ADAMTS6: variants seen among roughly 807,000 people sequenced by gnomAD.
ADAMTS6 encodes the protein ADAM metallopeptidase with thrombospondin type 1 motif 6.
Under a neutral mutation model 144.3 loss-of-function variants are expected in ADAMTS6, and 23 were observed. That is an observed-to-expected ratio of 0.16 (90% CI 0.11 to 0.23). ADAMTS6 has a LOEUF of 0.23. ADAMTS6 is among the 10% of genes least tolerant of loss of function. ADAMTS6 has a pLI of 1.00. For synonymous variants in ADAMTS6, 444 were observed against 457.5 expected (o/e 0.97, Z 0.38); for missense variants, 999 against 1,379.6 (o/e 0.72, Z 4.37).
intron 18 of ADAMTS6, among the ~76,000 whole-genome samples, chr5:65,219,058 A>G (rs1028504431): frequency 1.6e-4 from 24 of 152,208 alleles, no homozygotes; most frequent in African/African-American, 5.5e-4. Flanking sequence ...AAAAGAAGGC[A>G]TGAAAGGAGG....
At chr5:65,352,356 G>T (rs1748933162) in intron 7 of ADAMTS6, among the ~76,000 whole-genome samples, 1 of 152,078 alleles carries the variant, frequency 6.6e-6, no homozygotes, top group Admixed American at 6.5e-5. Context: ...TCAAAAACTA[G>T]TGGTAAAAAT....
At chr5:65,418,791 G>GA (rs1418470003) in intron 7 of ADAMTS6, among the ~76,000 whole-genome samples, 5 of 151,974 alleles carry the variant, frequency 3.3e-5, no homozygotes, top group Non-Finnish European at 7.4e-5. Flanking sequence ...ACAAACATAT[G>GA]AAAAAATGCT....
At chr5:65,368,457 T>C (rs1284906214) in intron 7 of ADAMTS6, among the ~76,000 whole-genome samples, 1 of 152,182 alleles carries the variant, frequency 6.6e-6, no homozygotes, top group Non-Finnish European at 1.5e-5. Context: ...GAAGCTAAAA[T>C]AGTTAACTGA....
intron 3 of ADAMTS6, among the ~76,000 whole-genome samples, chr5:65,465,418 A>G (rs1028054076): frequency 1.3e-5 from 2 of 151,754 alleles, no homozygotes; most frequent in African/African-American, 4.8e-5. Context: ...TTTCTCACCT[A>G]TCAAGAACTT....
At chr5:65,223,289 A>G (rs1277708961) in intron 18 of ADAMTS6, among the ~76,000 whole-genome samples, 1 of 152,218 alleles carries the variant, frequency 6.6e-6, no homozygotes, top group African/African-American at 2.4e-5. Flanking sequence ...GAATACCACA[A>G]TCAAGCTAAT....
At chr5:65,171,727 A>T (rs11749829) in intron 23 of ADAMTS6, among the ~76,000 whole-genome samples, 26,387 of 152,002 alleles carry the variant, frequency 0.17, 2,473 homozygotes, top group African/African-American at 0.24. Context: ...AAGAGCTTAA[A>T]TAAGTCCCTC....
rs549234965 is a variant in ADAMTS6 at position 65,460,531 on chromosome 5, T to A, written c.463-193A>T. 1.6e-4 allele frequency among the ~76,000 whole-genome samples: 25 copies of A among 152,328 alleles called. 1 individual carries two copies. In the South Asian group the frequency reaches 5.0e-3, roughly 30 times the overall value. On this transcript the variant is annotated intron_variant, in intron 3 of 24. Transcript: ENST00000381055. Reference sequence around the variant, plus strand: ...TGTTCCTATTCTTTAAAAAGGACATTTAAATACCTCCATATGCTATGCACT... The same window carrying A: ...TGTTCCTATTCTTTAAAAAGGACATATAAATACCTCCATATGCTATGCACT...
intron 12 of ADAMTS6, among the ~76,000 whole-genome samples, chr5:65,271,376 TAA>T (rs771448447): frequency 0.23 from 26,235 of 116,288 alleles, 2,525 homozygotes; most frequent in African/African-American, 0.26. Context: ...ATACTCCGTC[TAA>T]AAAAAAAAAA....
intron 20 of ADAMTS6, among the ~76,000 whole-genome samples, chr5:65,198,190 C>A (rs1755510972): frequency 6.6e-6 from 1 of 152,100 alleles, no homozygotes; most frequent in Non-Finnish European, 1.5e-5. Flanking sequence ...TAAGCTATTC[C>A]CCCACTCACC....
At chr5:65,258,800 G>T (rs549109487) in intron 14 of ADAMTS6, among the ~76,000 whole-genome samples, 1 of 152,180 alleles carries the variant, frequency 6.6e-6, no homozygotes, top group Non-Finnish European at 1.5e-5. Context: ...CTGGAAGAAC[G>T]AGTAGAGAAA....
chr5:65,204,416 G>C (rs1204222897), intron 20 of ADAMTS6, among the ~76,000 whole-genome samples: 1 of 152,152 alleles, frequency 6.6e-6, no homozygotes, highest in African/African-American at 2.4e-5. Flanking sequence ...AGTTATATAA[G>C]AACTAACCCA....
rs780099959 is a variant in ADAMTS6 at position 65,460,351 on chromosome 5, T to C, written c.463-13A>G. 2.5e-6 allele frequency: 4 copies of C among 1,579,166 alleles called. No homozygotes were observed. In the South Asian group the frequency reaches 3.5e-5, roughly 14 times the overall value. On this transcript the variant is annotated splice_polypyrimidine_tract_variant and intron_variant, in intron 3 of 24. Transcript: ENST00000381055. ...CAATAACACCATGCTAAAAGAAAAA[T>C]AAACAAAGAACTTACCAAAGAGAAT...
intron 4 of ADAMTS6, among the ~76,000 whole-genome samples, chr5:65,455,832 A>G (rs541165959): frequency 6.6e-6 from 1 of 151,910 alleles, no homozygotes; most frequent in East Asian, 1.9e-4. Context: ...AAAAACAAAA[A>G]TGTATTCAGT....
Position 65,151,962 on chromosome 5 carries a change from GA to G in ADAMTS6, c.3245-18del. 6.3e-7 allele frequency: 1 copy of G among 1,595,964 alleles called. No individual in the cohort carries two copies. Among genetic ancestry groups the G allele is most frequent in the Non-Finnish European group, 8.6e-7 (1 of 1,164,708 alleles). ...CTTTGCACTCTAACGAATGGGGGCAGAAAATGGAAAACAATTAGAGGCACAT... is the reference window on the plus strand; with the variant it reads ...CTTTGCACTCTAACGAATGGGGGCAGAAATGGAAAACAATTAGAGGCACAT... On this transcript the variant is annotated intron_variant, in intron 24 of 24. Transcript: ENST00000381055.
intron 24 of ADAMTS6, among the ~76,000 whole-genome samples, chr5:65,164,424 C>T (rs1206143179): frequency 1.3e-5 from 2 of 149,624 alleles, no homozygotes; most frequent in African/African-American, 4.9e-5. Context: ...AGTCTGAGAT[C>T]AAATTGCAAG....
chr5:65,381,565 T>C (rs1752051731), intron 7 of ADAMTS6, among the ~76,000 whole-genome samples: 1 of 143,084 alleles, frequency 7.0e-6, no homozygotes, highest in African/African-American at 2.6e-5. Flanking sequence ...TTTGTAATTT[T>C]AGTAGAGATA....
At chr5:65,451,664 TA>T (rs1349194254) in intron 6 of ADAMTS6, 44 bp from the exon 7 acceptor site, 3 of 1,603,614 alleles carry the variant, frequency 1.9e-6, no homozygotes, top group East Asian at 4.5e-5. Flanking sequence ...AACAAATTAC[TA>T]AGGTCAGTTG....
chr5:65,179,738 T>C (rs557050430), intron 22 of ADAMTS6, among the ~76,000 whole-genome samples: 46 of 152,228 alleles, frequency 3.0e-4, no homozygotes, highest in Non-Finnish European at 6.3e-4. Context: ...AGAGTCTTAT[T>C]TAGGAGACAG....
At position 65,219,723 on chromosome 5, in the gene ADAMTS6, T is replaced by C. The variant is rs1386729068; in HGVS notation, c.2273-4236A>G. Among the ~76,000 whole-genome samples, 6 of 152,182 alleles carry C rather than the reference T, an allele frequency of 3.9e-5. No individual in the cohort carries two copies. In the East Asian group the frequency reaches 1.2e-3, roughly 29 times the overall value. ...ATGCCAGACTGGTCATAGAATATTA[T>C]CAGGAATACAGAGGAACATTTGAAA... On this transcript the variant is annotated intron_variant, in intron 18 of 24. Transcript: ENST00000381055.
Sources: allele counts gnomAD v4.1 joint callset (sites outside exome capture counted in the v4.1 genomes callset), GRCh38; gene constraint gnomAD v4.1.1; transcripts MANE v1.5; gene names NCBI Gene and HGNC (gene_info 2026-07-23, HGNC 2026-07-21).